The following E2F8 variants were observed in gnomAD, a reference collection of about 807,000 sequenced individuals.
The protein encoded by E2F8 is E2F transcription factor 8.
E2F8 carries 35 observed loss-of-function variants against 80.8 expected under a neutral mutation model. That is an observed-to-expected ratio of 0.43 (90% CI 0.33 to 0.57). The LOEUF (loss-of-function observed/expected upper bound fraction) is 0.57. E2F8 is among the 20% of genes least tolerant of loss of function. The pLI, the probability that E2F8 is intolerant of heterozygous loss-of-function variation, is 0.04. For missense variants in E2F8, 975 were observed against 1,056.2 expected (o/e 0.92, Z 1.07); for synonymous variants, 386 against 395.0 (o/e 0.98, Z 0.27).
At chr11:19,227,516 C>A (rs929161607) in intron 10 of E2F8, among the ~76,000 whole-genome samples, 1 of 152,120 alleles carries the variant, frequency 6.6e-6, no homozygotes, top group Non-Finnish European at 1.5e-5. Context: ...TAACCTATGC[C>A]AATTCCCTTT....
At chr11:19,241,455 C>A (rs1851664987), upstream of E2F8, 1 of 153,092 alleles carries the variant, frequency 6.5e-6, no homozygotes, top group Non-Finnish European at 1.5e-5. The surrounding 1 kb of genome is among the most constrained non-coding windows in gnomAD (Gnocchi z 4.5). Context: ...AGCCGGGACT[C>A]GTCAGCACCG....
At chr11:19,240,080 A>G in intron 2 of E2F8, 27 bp downstream of exon 2, 3 of 1,494,660 alleles carry the variant, frequency 2.0e-6, no homozygotes, top group South Asian at 1.4e-5. Flanking sequence ...TAAAATTGCA[A>G]TGATGAATAC....
chr11:19,232,303 C>T lies in E2F8; in HGVS notation c.997G>A (p.Val333Ile), dbSNP rs1206728569. ...SSLDLIKKVH[V>I]TEERGRKPAF... Reference sequence around the variant, plus strand: ...GGTTTTCGGCCTCTTTCCTCTGTAACATGAACTTTCTTGATAAGATCCAGG... The same window carrying T: ...GGTTTTCGGCCTCTTTCCTCTGTAATATGAACTTTCTTGATAAGATCCAGG... The change falls in exon 7 of 13, where the codon GTT becomes ATT. Residue 333 changes from valine to isoleucine, a missense_variant. Coordinates refer to ENST00000250024, the MANE Select transcript of E2F8 (RefSeq NM_024680.4). 1 of 1,614,166 alleles carries T rather than the reference C, an allele frequency of 6.2e-7. No individual in the cohort carries two copies. The highest frequency in any genetic ancestry group is 1.7e-5 in the Admixed American group (1 of 60,028).
chr11:19,230,931 C>A, intron 7 of E2F8, 97 bp from the exon 8 acceptor site: 4 of 1,098,534 alleles, frequency 3.6e-6, no homozygotes, highest in Non-Finnish European at 5.3e-6. Context: ...TGGCAAGTTA[C>A]AGAGCACCGA....
upstream of E2F8, among the ~76,000 whole-genome samples, chr11:19,241,220 A>G (rs931104351): frequency 2.0e-5 from 3 of 152,124 alleles, no homozygotes; most frequent in East Asian, 5.8e-4. This position sits in a 1 kb window ranked among gnomAD's most constrained non-coding sequence, Gnocchi z 4.5. Flanking sequence ...CGCGCCCGGA[A>G]CCACGGCAAC....
rs1397924224 is a variant in E2F8, at chr11:19,225,267, T to A, written c.2375A>T (p.Gln792Leu). The A allele has an allele frequency of 6.2e-7, 1 of 1,614,098 alleles. No individual in the cohort carries two copies. The highest frequency in any genetic ancestry group is 1.1e-5 in the South Asian group (1 of 91,074). Residue 792 changes from glutamine to leucine, a missense_variant, in exon 12 of 13, where the codon CAG becomes CTG. By Grantham distance (113) the Gln-to-Leu change is moderately radical (BLOSUM62 -2). Coordinates refer to ENST00000250024, the MANE Select transcript of E2F8 (RefSeq NM_024680.4). The part of the protein sequence containing the change: ...ATNYDSPVPG[Q>L]SQPNGQSVAV... ...AACTGATTGTCCATTTGGCTGGCTC[T>A]GGCCTGGGACTGGTGAGTCATAGTT...
chr11:19,234,396 C>G lies in E2F8; in HGVS notation c.892G>C (p.Asp298His). The G allele has an allele frequency of 1.2e-6, 2 of 1,614,128 alleles. No homozygotes were observed. Among genetic ancestry groups the G allele is most frequent in the Non-Finnish European group, 1.7e-6 (2 of 1,180,034 alleles). Residue 298 changes from aspartate (D) to histidine (H), a missense_variant, in exon 6 of 13, where the codon GAC becomes CAC. Transcript: ENST00000250024. ...EVAAKILIGEDHVEDLDKSKF... is the reference protein window; with the variant it reads ...EVAAKILIGEHHVEDLDKSKF... ...CTTTTATCCAAATCTTCCACATGGT[C>G]CTCCCCAATTAAAATCTTGGCAGCA...
intron 1 of E2F8, 35 bp from the exon 2 acceptor site, chr11:19,240,265 A>T: frequency 2.2e-6 from 1 of 455,174 alleles, no homozygotes. Flanking sequence ...AAGTTAGAGA[A>T]AAACAAGAAC....
intron 2 of E2F8, among the ~76,000 whole-genome samples, chr11:19,239,117 A>G (rs1851596242): frequency 6.6e-6 from 1 of 152,264 alleles, no homozygotes; most frequent in Non-Finnish European, 1.5e-5. Flanking sequence ...AAATAACTTT[A>G]AGAACATGGA....
rs1590119551 is a variant in E2F8 at position 19,224,085 on chromosome 11, T to C, written c.*573A>G. On this transcript the variant is annotated 3_prime_UTR_variant, in exon 13 of 13. Coordinates refer to ENST00000250024, the MANE Select transcript of E2F8 (RefSeq NM_024680.4). ...AACTATATTTTAGAAAAGTTTTAATTTGAACAACTTATGATTAAAAATACA... is the reference window on the plus strand; with the variant it reads ...AACTATATTTTAGAAAAGTTTTAATCTGAACAACTTATGATTAAAAATACA... 1 of 152,394 alleles carries C rather than the reference T, an allele frequency of 6.6e-6. No individual in the cohort carries two copies. The highest frequency in any genetic ancestry group is 6.5e-5 in the Admixed American group (1 of 15,282). The allele number at this position is 152,394 out of a possible 1,614,324, so 9.4% of individuals were successfully genotyped here.
chr11:19,235,662 C>CA (rs1160661782), intron 4 of E2F8, among the ~76,000 whole-genome samples: 5 of 76,254 alleles, frequency 6.6e-5, no homozygotes, highest in African/African-American at 2.3e-4. Context: ...AACAAACAAA[C>CA]AAACAAAAAA....
chr11:19,237,226 C>G (rs539450119), intron 4 of E2F8, 88 bp downstream of exon 4: 1 of 1,256,780 alleles, frequency 8.0e-7, no homozygotes, highest in Non-Finnish European at 1.1e-6. Flanking sequence ...TTTACAAACA[C>G]TGGCTAGATG....
intron 1 of E2F8, 23 bp downstream of exon 1, chr11:19,240,525 C>T (rs1359173475): frequency 6.5e-6 from 1 of 154,694 alleles, no homozygotes; most frequent in East Asian, 1.9e-4. Flanking sequence ...CGGACCCCAG[C>T]GAATACTTTA....
rs889729414 is a variant in E2F8, at chr11:19,227,391, A to G, written c.1894-1527T>C. Among the ~76,000 whole-genome samples, 33 of 152,220 alleles carry G rather than the reference A, an allele frequency of 2.2e-4. 1 individual carries two copies. The highest frequency in any genetic ancestry group is 2.2e-3 in the Admixed American group (33 of 15,284). ...CTATTAGCTTTAGTTATATTCTCTC[A>G]TGGTACAAATTATTCTGACTGCTGG... On this transcript the variant is annotated intron_variant, in intron 10 of 12. Coordinates refer to ENST00000250024, the MANE Select transcript of E2F8 (RefSeq NM_024680.4).
intron 6 of E2F8, among the ~76,000 whole-genome samples, chr11:19,232,753 A>T (rs1268747432): frequency 6.6e-6 from 1 of 152,188 alleles, no homozygotes; most frequent in African/African-American, 2.4e-5. Context: ...AGTATCTGTG[A>T]TAAATGTCTT....
chr11:19,238,212 C>T (rs763740547), intron 2 of E2F8, 80 bp from the exon 3 acceptor site: 25 of 1,402,336 alleles, frequency 1.8e-5, no homozygotes, highest in East Asian at 4.7e-5. Context: ...AATTGCATAA[C>T]GAATAGAATC....
Position 19,230,772 on chromosome 11 carries a change from T to C in E2F8, c.1129A>G (p.Asn377Asp). 2 of 1,614,136 alleles carry C rather than the reference T, an allele frequency of 1.2e-6. No individual in the cohort carries two copies. Among genetic ancestry groups the C allele is most frequent in the Non-Finnish European group, 1.7e-6 (2 of 1,180,028 alleles). ...GTGGAAAAGAGGTTTTTGGCACAGT[T>C]CTCTTTTGAAGACCGTCTCACCTCC... ...DLEVRRSSKE[N>D]CAKNLFSTRG... Residue 377 changes from asparagine (N) to aspartate (D), a missense_variant, in exon 8 of 13, where the codon AAC becomes GAC. Asn to Asp is a conservative substitution (Grantham distance 23, BLOSUM62 1). Coordinates refer to ENST00000250024, the MANE Select transcript of E2F8 (RefSeq NM_024680.4).
upstream of E2F8, chr11:19,241,532 G>C (rs2133587807): frequency 6.5e-6 from 1 of 152,790 alleles, no homozygotes; most frequent in East Asian, 1.9e-4. This position sits in a 1 kb window ranked among gnomAD's most constrained non-coding sequence, Gnocchi z 4.5. Context: ...CGAGGTGGGT[G>C]CCGGAGAGAG....
At position 19,225,316 on chromosome 11, in the gene E2F8, C is replaced by T. The variant is rs2133551643; in HGVS notation, c.2326G>A (p.Gly776Ser). 1 of 1,614,190 alleles carries T rather than the reference C, an allele frequency of 6.2e-7. No individual in the cohort carries two copies. The highest frequency in any genetic ancestry group is 1.1e-5 in the South Asian group (1 of 91,082). Residue 776 changes from glycine (G) to serine (S), a missense_variant, in exon 12 of 13, where the codon GGC becomes AGC. By Grantham distance (56) the Gly-to-Ser change is moderately conservative. Coordinates refer to ENST00000250024, the MANE Select transcript of E2F8 (RefSeq NM_024680.4). ...TTGGTGGCCCTTCCTTGCTGAGTGC[C>T]TGCATTTTCTGGTGCGACATTAACA... is the stretch of plus-strand genomic sequence containing the variant. ...ESVNVAPENA[G>S]TQQGRATNYD... is the part of the protein sequence containing the mutation.
Sources: gnomAD v4.1 joint callset for allele counts (sites outside exome capture counted in the v4.1 genomes callset) on GRCh38, gnomAD v4.1.1 for gene constraint, Gnocchi (gnomAD v3.1) non-coding constraint, MANE v1.5 for transcripts, NCBI Gene and HGNC (gene_info 2026-07-23, HGNC 2026-07-21) for gene names.